IMPA1: variants seen among roughly 807,000 people sequenced by gnomAD.
The protein encoded by IMPA1 is D-galactose 1-phosphate phosphatase.
Under a neutral mutation model 34.9 loss-of-function variants are expected in IMPA1, and 21 were observed. The observed-to-expected ratio is 0.60, with a 90% CI of 0.43 to 0.87. The LOEUF (loss-of-function observed/expected upper bound fraction) is 0.87, where lower values mean the gene tolerates loss of function less well. Ranked by LOEUF, IMPA1 falls within the 40% of genes least tolerant of loss-of-function variation. The probability of loss-of-function intolerance (pLI) is 0.00; values close to 1 mark genes in which losing one functional copy is unlikely to be tolerated. For missense variants in IMPA1, 299 were observed against 336.4 expected (o/e 0.89, Z 0.87); for synonymous variants, 95 against 104.4 (o/e 0.91, Z 0.55).
intron 7 of IMPA1, among the ~76,000 whole-genome samples, chr8:81,661,834 T>C (rs1806683951): frequency 6.6e-6 from 1 of 152,202 alleles, no homozygotes; most frequent in Non-Finnish European, 1.5e-5. Flanking sequence ...ACAAACGTCA[T>C]CATGTCTACA....
At chr8:81,662,178 A>G (rs1806699483) in intron 7 of IMPA1, among the ~76,000 whole-genome samples, 1 of 152,176 alleles carries the variant, frequency 6.6e-6, no homozygotes, top group African/African-American at 2.4e-5. Context: ...TTTGTTTCCC[A>G]GATAAATAAA....
intron 7 of IMPA1, among the ~76,000 whole-genome samples, chr8:81,664,093 T>G (rs1806753097): frequency 2.0e-5 from 3 of 152,120 alleles, no homozygotes; most frequent in African/African-American, 7.2e-5. Flanking sequence ...ATATTAAAGT[T>G]AAGGACCTCA....
chr8:81,678,132 A>T (rs1035179197), intron 4 of IMPA1, among the ~76,000 whole-genome samples: 2 of 152,148 alleles, frequency 1.3e-5, no homozygotes, highest in African/African-American at 4.8e-5. Context: ...CCGTAAAAAA[A>T]TACCAGAATG....
Position 81,659,327 on chromosome 8 carries a change from G to C in IMPA1, c.*24C>G, listed in dbSNP as rs745483441. 2.3e-6 allele frequency: 3 copies of C among 1,301,334 alleles called. No homozygotes were observed. In the South Asian group the frequency reaches 3.5e-5, roughly 15 times the overall value. The allele number at this position is 1,301,334 out of a possible 1,614,324, so 80.6% of individuals were successfully genotyped here. ...CACCAAATCTGGGGAAAAGCAACTG[G>C]GATTGACTATGAGGCTGCCTTAATT... On this transcript the variant is annotated 3_prime_UTR_variant, in exon 9 of 9. Transcript: ENST00000256108.
At chr8:81,684,411 CTATA>C (rs1318747433) in intron 1 of IMPA1, among the ~76,000 whole-genome samples, 5 of 140,650 alleles carry the variant, frequency 3.6e-5, no homozygotes, top group Admixed American at 7.3e-5. Flanking sequence ...TATTTAGATA[CTATA>C]TATAGTATAC....
Position 81,660,627 on chromosome 8 carries a change from C to T in IMPA1, c.607G>A (p.Val203Met), listed in dbSNP as rs1295795642. The change falls in exon 8 of 9, where the codon GTG becomes ATG. Residue 203 changes from valine to methionine, a missense_variant. Physicochemically the swap from Val to Met is conservative, Grantham distance 21 (BLOSUM62 1). Coordinates refer to ENST00000256108, the MANE Select transcript of IMPA1 (RefSeq NM_005536.4). ...VGTAAVNMCLVATGGADAYYE... is the reference protein window; with the variant it reads ...VGTAAVNMCLMATGGADAYYE... ...TATGCATCTGCTCCGCCAGTTGCCA[C>T]AAGGCACATATTAACAGCTGCTGTT... The T allele has an allele frequency of 6.2e-7, 1 of 1,612,854 alleles. No individual in the cohort carries two copies. Among genetic ancestry groups the T allele is most frequent in the East Asian group, 2.2e-5 (1 of 44,870 alleles).
rs140777330 is a variant in IMPA1, at chr8:81,671,807, G to T, written c.458-760C>A. On this transcript the variant is annotated intron_variant, in intron 6 of 8. Transcript: ENST00000256108. ...AGCTACTCCGGAGGCTGAGGCAGGAGAATAGCTTAAACCCGGGAGGCGGAG... is the reference window on the plus strand; with the variant it reads ...AGCTACTCCGGAGGCTGAGGCAGGATAATAGCTTAAACCCGGGAGGCGGAG... Among the ~76,000 whole-genome samples the T allele has an allele frequency of 4.7e-4, 72 of 152,216 alleles. No homozygotes were observed. In the East Asian group the frequency reaches 7.9e-3, roughly 17 times the overall value.
At chr8:81,683,099 C>G (rs915932258) in intron 1 of IMPA1, among the ~76,000 whole-genome samples, 1 of 152,170 alleles carries the variant, frequency 6.6e-6, no homozygotes, top group Non-Finnish European at 1.5e-5. Flanking sequence ...AAGATGAGAA[C>G]AAGTGAACAG....
chr8:81,677,497 G>A (rs1313869876), intron 4 of IMPA1, among the ~76,000 whole-genome samples: 1 of 152,098 alleles, frequency 6.6e-6, no homozygotes, highest in Non-Finnish European at 1.5e-5. Context: ...CAAACTTTAG[G>A]CTTGGCCTCT....
intron 4 of IMPA1, chr8:81,678,759 T>G (rs1315420525): frequency 4.8e-6 from 1 of 206,938 alleles, no homozygotes; most frequent in Non-Finnish European, 1.0e-5. Context: ...TCCATATAGA[T>G]CTATGGTACA....
intron 3 of IMPA1, 70 bp downstream of exon 3, chr8:81,680,580 A>T: frequency 8.6e-7 from 1 of 1,163,350 alleles, no homozygotes; most frequent in Non-Finnish European, 1.3e-6. Flanking sequence ...TAGTCAAGCT[A>T]CTCTCATATG....
At chr8:81,659,537 A>G (rs1554584310) in intron 8 of IMPA1, 71 bp from the exon 9 acceptor site, 13 of 817,300 alleles carry the variant, frequency 1.6e-5, no homozygotes, top group Non-Finnish European at 1.2e-5. Context: ...AAGTATAGCA[A>G]TATGTACTAT....
chr8:81,679,194 T>C lies in IMPA1; in HGVS notation c.234A>G (p.Lys78=), dbSNP rs141750319. The stretch of plus-strand genomic sequence containing the variant: ...ATGTGGGGTTGTCGGTTAAGATACT[T>C]TTTTCCCCAGCTGCCACAGATTCTT... ...IGEESVAAGE[K]SILTDNPTWI... The change falls in exon 4 of 9, where the codon AAA becomes AAG. Residue 78 remains lysine (K), a synonymous_variant. Transcript: ENST00000256108. The C allele has an allele frequency of 6.2e-7, 1 of 1,613,862 alleles. No homozygotes were observed. The highest frequency in any genetic ancestry group is 8.5e-7 in the Non-Finnish European group (1 of 1,179,906).
intron 7 of IMPA1, among the ~76,000 whole-genome samples, chr8:81,661,214 T>C (rs1806664613): frequency 6.6e-6 from 1 of 152,196 alleles, no homozygotes; most frequent in Non-Finnish European, 1.5e-5. Context: ...ACAAGTTAAG[T>C]TGAATATAAA....
In IMPA1 at chr8:81,676,287, T is replaced by C. The variant is rs758217847; in HGVS notation, c.303-8A>G. The stretch of plus-strand genomic sequence containing the variant: ...ACAGCTACAAAAGGAAATCTTTTTT[T>C]AAAAAAAAGGACAAAATACAAATTA... On this transcript the variant is annotated splice_polypyrimidine_tract_variant and splice_region_variant and intron_variant, in intron 4 of 8. Coordinates refer to ENST00000256108, the MANE Select transcript of IMPA1 (RefSeq NM_005536.4). 4 of 1,263,862 alleles carry C rather than the reference T, an allele frequency of 3.2e-6. No homozygotes were observed. The Admixed American group carries it at 7.7e-5, about 24-fold the overall frequency. The allele number at this position is 1,263,862 out of a possible 1,614,324, so 78.3% of individuals were successfully genotyped here.
At chr8:81,671,585 T>C (rs1445388049) in intron 6 of IMPA1, among the ~76,000 whole-genome samples, 1 of 152,126 alleles carries the variant, frequency 6.6e-6, no homozygotes, top group Non-Finnish European at 1.5e-5. Flanking sequence ...TCTGTAACTG[T>C]TGTACTACAT....
At chr8:81,678,308 T>A (rs965424145) in intron 4 of IMPA1, among the ~76,000 whole-genome samples, 1 of 152,066 alleles carries the variant, frequency 6.6e-6, no homozygotes, top group South Asian at 2.1e-4. Flanking sequence ...TCGACAGCAC[T>A]CCCCAAGAGT....
intron 4 of IMPA1, among the ~76,000 whole-genome samples, chr8:81,677,785 CAT>C (rs1459941759): frequency 6.6e-6 from 1 of 152,206 alleles, no homozygotes; most frequent in Admixed American, 6.5e-5. Context: ...CATTCTATCA[CAT>C]ATAGATTCTA....
At chr8:81,685,006 A>G (rs920190466) in intron 1 of IMPA1, among the ~76,000 whole-genome samples, 2 of 135,832 alleles carry the variant, frequency 1.5e-5, no homozygotes, top group Non-Finnish European at 3.1e-5. Context: ...GATACTATAT[A>G]TACTATACGT....
Sources: gnomAD v4.1 joint callset for allele counts (sites outside exome capture counted in the v4.1 genomes callset) on GRCh38, gnomAD v4.1.1 for gene constraint, MANE v1.5 for transcripts, NCBI Gene and HGNC (gene_info 2026-07-23, HGNC 2026-07-21) for gene names.